SPTBN5: variants seen among roughly 807,000 people sequenced by gnomAD.
The protein encoded by SPTBN5 is spectrin beta chain, non-erythrocytic 5.
In SPTBN5, 513 loss-of-function variants were observed where a neutral mutation model predicts 477.6. That is an observed-to-expected ratio of 1.07 (90% CI 1.00 to 1.16). The LOEUF is 1.16. Among genes scored for constraint, SPTBN5 ranks in the 50% most tolerant of loss-of-function variants. The probability of loss-of-function intolerance (pLI) is 0.00; values close to 1 mark genes in which losing one functional copy is unlikely to be tolerated. For synonymous variants in SPTBN5, 2,169 were observed against 2,011.7 expected (o/e 1.08, Z -2.09); for missense variants, 5,062 against 4,731.8 (o/e 1.07, Z -2.05).
intron 44 of SPTBN5, 28 bp from the exon 45 acceptor site, chr15:41,861,951 G>C (rs774772960): frequency 1.2e-4 from 184 of 1,583,828 alleles, no homozygotes; most frequent in Non-Finnish European, 1.5e-4. Context: ...TCAGATCACT[G>C]GGGGCTGGAA....
chr15:41,871,616 T>C, intron 28 of SPTBN5, 96 bp from the exon 29 acceptor site: 1 of 1,416,024 alleles, frequency 7.1e-7, no homozygotes, highest in Non-Finnish European at 9.3e-7. Flanking sequence ...CTGGGTGATG[T>C]GGGCTTGGAT....
intron 7 of SPTBN5, among the ~76,000 whole-genome samples, chr15:41,884,237 C>T (rs1368557223): frequency 6.6e-6 from 1 of 152,170 alleles, no homozygotes; most frequent in Admixed American, 6.5e-5. Flanking sequence ...CTGCCCGCCT[C>T]AGCCTCCCAA....
At chr15:41,861,609 G>A in intron 45 of SPTBN5, 113 bp from the exon 46 acceptor site, 1 of 1,508,922 alleles carries the variant, frequency 6.6e-7, no homozygotes, top group Non-Finnish European at 9.1e-7. Context: ...AGGCAGGAGT[G>A]CTGAGTGGTG....
rs766877825 is a variant in SPTBN5 at position 41,853,049 on chromosome 15, C to CA, written c.10171-50dup. 16 of 1,469,390 alleles carry CA rather than the reference C, an allele frequency of 1.1e-5. No individual in the cohort carries two copies. In the African/African-American group the frequency reaches 2.3e-4, roughly 21 times the overall value. The allele number at this position is 1,469,390 out of a possible 1,614,324, so 91.0% of individuals were successfully genotyped here. A position where few individuals can be genotyped will look rare whatever the true frequency, so the allele number is the denominator to read the frequency against. ...GTGACAGCTTGGGTAGGGCTCCCAC[C>CA]ATGGGCAGGGCAGGGCTGGAGAGCC... On this transcript the variant is annotated intron_variant, in intron 59 of 67. Coordinates refer to ENST00000320955, the MANE Select transcript of SPTBN5 (RefSeq NM_016642.4).
chr15:41,859,190 ACT>A (rs2066020819), intron 47 of SPTBN5, among the ~76,000 whole-genome samples: 2 of 141,242 alleles, frequency 1.4e-5, no homozygotes, highest in South Asian at 4.6e-4. Context: ...ACAGAGTCTC[ACT>A]CTGTCACCCA....
chr15:41,880,300 G>A lies in SPTBN5; in HGVS notation c.2671C>T (p.Arg891Trp), dbSNP rs760046104. The change falls in exon 14 of 68, where the codon CGG becomes TGG. Residue 891 changes from arginine (R) to tryptophan (W), a missense_variant. Physicochemically the swap from Arg to Trp is moderately radical, Grantham distance 101. Coordinates refer to ENST00000320955, the MANE Select transcript of SPTBN5 (RefSeq NM_016642.4). ...AACAGGGCCATGGCCTCCTCCAACC[G>A]GGCCCTGCGGAGCTGGGGAGAGGTG... ...LRALAQLRRA[R>W]LEEAMALFGF... is the part of the protein sequence containing the mutation. 8.1e-6 allele frequency: 13 copies of A among 1,603,132 alleles called. No individual in the cohort carries two copies. Among genetic ancestry groups the A allele is most frequent in the East Asian group, 2.2e-5 (1 of 44,544 alleles).
In SPTBN5 at chr15:41,864,077, C is replaced by T. The variant is rs569623952; in HGVS notation, c.6919-53G>A. 118 of 1,467,454 alleles carry T rather than the reference C, an allele frequency of 8.0e-5. 2 individuals are homozygous for T. In the South Asian group the frequency reaches 1.3e-3, roughly 17 times the overall value. 90.9% of individuals were successfully genotyped at this position (1,467,454 alleles called of 1,614,324 possible). A position where few individuals can be genotyped will look rare whatever the true frequency, so the allele number is the denominator to read the frequency against. On this transcript the variant is annotated intron_variant, in intron 39 of 67. Transcript: ENST00000320955. ...TGGCACCCCCCATGCAGAGCCCCTT[C>T]TTCCCACCTCAGCAGGCACTGAAAG... is the stretch of plus-strand genomic sequence containing the variant.
At chr15:41,885,403 T>C (rs910274331) in intron 7 of SPTBN5, among the ~76,000 whole-genome samples, 1 of 152,196 alleles carries the variant, frequency 6.6e-6, no homozygotes, top group African/African-American at 2.4e-5. Flanking sequence ...AGTGTGTAAG[T>C]TCATGAGGGA....
chr15:41,879,004 T>G (rs1352276090), intron 16 of SPTBN5, among the ~76,000 whole-genome samples: 3 of 152,022 alleles, frequency 2.0e-5, no homozygotes, highest in Non-Finnish European at 4.4e-5. Context: ...AGGCTGAGCT[T>G]CCAGTGAGCC....
In SPTBN5 at chr15:41,881,096, T is replaced by C; in HGVS notation, c.2596A>G (p.Thr866Ala). The stretch of plus-strand genomic sequence containing the variant: ...AAGTGGTCCTGTGTCTGGAGTATAG[T>C]GTTGGGATCAAAGTCAGGGTCAGGC... ...AEPDPDFDPN[T>A]ILQTQDHLSQ... The change falls in exon 13 of 68, where the codon ACT becomes GCT. Residue 866 changes from threonine to alanine, a missense_variant. By Grantham distance (58) the Thr-to-Ala change is moderately conservative. Transcript: ENST00000320955. 1.9e-6 allele frequency: 3 copies of C among 1,612,112 alleles called. No homozygotes were observed. The highest frequency in any genetic ancestry group is 1.1e-5 in the South Asian group (1 of 90,718).
chr15:41,875,192 C>A (rs2066682991), intron 22 of SPTBN5, 136 bp from the exon 23 acceptor site: 9 of 918,220 alleles, frequency 9.8e-6, no homozygotes, highest in East Asian at 5.3e-5. Context: ...CAACCCTCGG[C>A]CAGAAGTGCC....
At position 41,886,298 on chromosome 15, in the gene SPTBN5, TAGA is replaced by T. The variant is rs1415937079; in HGVS notation, c.954_956del (p.Leu319del). The T allele has an allele frequency of 1.3e-5, 21 of 1,613,172 alleles. No homozygotes were observed. Among genetic ancestry groups the T allele is most frequent in the Non-Finnish European group, 1.7e-5 (20 of 1,179,848 alleles). On this transcript the variant is annotated inframe_deletion, in exon 7 of 68. Transcript: ENST00000320955. The stretch of plus-strand genomic sequence containing the variant: ...GCATCTGCTTCTCTGCAATCCAGCG[TAGA>T]AGGTCAGCCACCAGCTGCTCGTACT...
chr15:41,866,658 G>A lies in SPTBN5; in HGVS notation c.6481-165C>T, dbSNP rs560936974. 4.5e-6 allele frequency: 4 copies of A among 880,146 alleles called. No homozygotes were observed. The Admixed American group carries it at 1.4e-4, about 30-fold the overall frequency. The allele number at this position is 880,146 out of a possible 1,614,324, so 54.5% of individuals were successfully genotyped here. A position where few individuals can be genotyped will look rare whatever the true frequency, so the allele number is the denominator to read the frequency against. ...CCAGCTCCGGAAGGTTGCTGCAGGA[G>A]GCAGCCGGGCAGGGCCTTGGGTGGG... On this transcript the variant is annotated intron_variant, in intron 36 of 67. Transcript: ENST00000320955.
Position 41,877,155 on chromosome 15 carries a change from A to G in SPTBN5, c.3672T>C (p.Cys1224=). 6.2e-7 allele frequency: 1 copy of G among 1,613,958 alleles called. No homozygotes were observed. Among genetic ancestry groups the G allele is most frequent in the Non-Finnish European group, 8.5e-7 (1 of 1,179,870 alleles). ...GREVDGFTAT[C]ANHQAWLHLD... ...GGTGCAGCCAGGCCTGGTGGTTGGCACAGGTGGCAGTGAAACCATCCACTT... is the reference window on the plus strand; with the variant it reads ...GGTGCAGCCAGGCCTGGTGGTTGGCGCAGGTGGCAGTGAAACCATCCACTT... Residue 1224 remains cysteine, a synonymous_variant, in exon 18 of 68, where the codon TGT becomes TGC. Transcript: ENST00000320955.
intron 9 of SPTBN5, 55 bp from the exon 10 acceptor site, chr15:41,882,793 T>TG (rs2067016956): frequency 3.8e-6 from 6 of 1,571,530 alleles, no homozygotes; most frequent in Admixed American, 1.9e-5. Flanking sequence ...GCATGGGCAG[T>TG]GGGTTCCCCT....
intron 7 of SPTBN5, among the ~76,000 whole-genome samples, chr15:41,883,707 A>G (rs1015563000): frequency 1.3e-5 from 2 of 152,186 alleles, no homozygotes; most frequent in African/African-American, 2.4e-5. Flanking sequence ...GCCTGGAAGG[A>G]TCAGGCCTTT....
At chr15:41,871,733 C>T (rs1203230760) in intron 28 of SPTBN5, 49 bp downstream of exon 28, 1 of 1,479,848 alleles carries the variant, frequency 6.8e-7, no homozygotes, top group East Asian at 2.5e-5. Flanking sequence ...TTCCCCACCC[C>T]ATAGGCTCTG....
At chr15:41,885,610 G>A (rs2067122397) in intron 7 of SPTBN5, 125 bp downstream of exon 7, 4 of 1,186,312 alleles carry the variant, frequency 3.4e-6, no homozygotes, top group African/African-American at 3.1e-5. Flanking sequence ...TTTGTAGAGG[G>A]ATCCCTGAAC....
rs770507013 is a variant in SPTBN5 at position 41,857,260 on chromosome 15, G to A, written c.8599C>T (p.Gln2867Ter). ...TACCTCTGAAGCAGCCGCCGGGCCT[G>A]CTCTTCCACATCTTGGGCAAGGCAG... ...GHCLAQDVEEQARRLLQRFKS... is the reference protein window; with the variant it reads ...GHCLAQDVEE Residue 2867 changes from glutamine to a stop codon, truncating the protein, a stop_gained, in exon 51 of 68, where the codon CAG becomes TAG. Transcript: ENST00000320955. LOFTEE classifies it high-confidence loss of function. 2 of 1,582,888 alleles carry A rather than the reference G, an allele frequency of 1.3e-6. No homozygotes were observed. Among genetic ancestry groups the A allele is most frequent in the Non-Finnish European group, 1.7e-6 (2 of 1,163,730 alleles).
Sources: allele counts gnomAD v4.1 joint callset (sites outside exome capture counted in the v4.1 genomes callset), GRCh38; gene constraint gnomAD v4.1.1; transcripts MANE v1.5; gene names NCBI Gene and HGNC (gene_info 2026-07-23, HGNC 2026-07-21).